PCDH7: variants seen among roughly 807,000 people sequenced by gnomAD.
The protein encoded by PCDH7 is protocadherin 7.
Under a neutral mutation model 58.9 loss-of-function variants are expected in PCDH7, and 17 were observed. The observed-to-expected ratio is 0.29, with a 90% CI of 0.20 to 0.43. The LOEUF (loss-of-function observed/expected upper bound fraction) is 0.43, where lower values mean the gene tolerates loss of function less well. Among genes scored for constraint, PCDH7 ranks in the 20% least tolerant of loss-of-function variants. PCDH7 has a pLI of 1.00. For missense variants in PCDH7, 1,274 were observed against 1,441.0 expected (o/e 0.88, Z 1.88); for synonymous variants, 664 against 616.4 (o/e 1.08, Z -1.14).
chr4:30,940,463 G>A (rs1745893661), intron 2 of PCDH7, among the ~76,000 whole-genome samples: 1 of 151,658 alleles, frequency 6.6e-6, no homozygotes, highest in African/African-American at 2.4e-5. Context: ...TTATATTTTT[G>A]CAAACCAAAA....
chr4:30,985,036 C>T (rs910486404), intron 3 of PCDH7, among the ~76,000 whole-genome samples: 4 of 152,092 alleles, frequency 2.6e-5, no homozygotes, highest in Non-Finnish European at 4.4e-5. Context: ...ACGTGACCTC[C>T]GCTCACTGCA....
At chr4:30,871,714 G>A (rs1030269206) in intron 1 of PCDH7, among the ~76,000 whole-genome samples, 4 of 152,098 alleles carry the variant, frequency 2.6e-5, no homozygotes, top group African/African-American at 7.2e-5. Context: ...GATACAAAAC[G>A]GGTGGCACAA....
intron 3 of PCDH7, among the ~76,000 whole-genome samples, chr4:30,975,151 G>C (rs1749961503): frequency 2.6e-5 from 2 of 76,436 alleles, no homozygotes; most frequent in South Asian, 7.1e-4. Context: ...CATTGTGTGT[G>C]TGTGTGTGTG....
chr4:30,790,926 A>C (rs932395039), intron 1 of PCDH7, among the ~76,000 whole-genome samples: 63 of 152,068 alleles, frequency 4.1e-4, no homozygotes, highest in Non-Finnish European at 1.6e-4. Flanking sequence ...TTGTCTCAAA[A>C]AAAACAAAAC....
intron 1 of PCDH7, among the ~76,000 whole-genome samples, chr4:30,891,881 G>A (rs1300602730): frequency 1.3e-5 from 2 of 151,406 alleles, no homozygotes; most frequent in Middle Eastern, 3.4e-3. Context: ...CACATGATAT[G>A]TCAGACTTTC....
chr4:30,857,654 T>A (rs1048641446), intron 1 of PCDH7, among the ~76,000 whole-genome samples: 1 of 152,120 alleles, frequency 6.6e-6, no homozygotes, highest in Non-Finnish European at 1.5e-5. Flanking sequence ...GGAGCATCAA[T>A]ACAACAAGGT....
At chr4:30,802,861 T>C (rs953008090) in intron 1 of PCDH7, among the ~76,000 whole-genome samples, 35 of 151,838 alleles carry the variant, frequency 2.3e-4, no homozygotes, top group African/African-American at 8.5e-4. Flanking sequence ...TGTAGCAGAG[T>C]CAATCAGCAT....
chr4:30,888,033 G>C (rs773143796), intron 1 of PCDH7, among the ~76,000 whole-genome samples: 1 of 151,902 alleles, frequency 6.6e-6, no homozygotes, highest in Non-Finnish European at 1.5e-5. Flanking sequence ...GAGCCACCAA[G>C]CCCGACTAAT....
At chr4:31,130,907 G>A (rs1718903471) in intron 3 of PCDH7, among the ~76,000 whole-genome samples, 1 of 152,076 alleles carries the variant, frequency 6.6e-6, no homozygotes, top group African/African-American at 2.4e-5. Context: ...TAGTTTATTA[G>A]CAACCATGGC....
intron 3 of PCDH7, among the ~76,000 whole-genome samples, chr4:31,134,690 G>A (rs1180111271): frequency 1.3e-5 from 2 of 152,104 alleles, no homozygotes; most frequent in African/African-American, 2.4e-5. Context: ...TCTGTGGATT[G>A]ACTACATGGT....
intron 3 of PCDH7, among the ~76,000 whole-genome samples, chr4:31,060,632 T>G (rs114424112): frequency 0.015 from 2,325 of 151,890 alleles, 19 homozygotes; most frequent in Middle Eastern, 0.034. Flanking sequence ...CAATCATTTC[T>G]TACCATCTCC....
At chr4:30,813,332 G>T (rs1416133674) in intron 1 of PCDH7, among the ~76,000 whole-genome samples, 2 of 152,102 alleles carry the variant, frequency 1.3e-5, no homozygotes, top group African/African-American at 4.8e-5. Flanking sequence ...GTTCCTTTTG[G>T]TATGTTACTC....
At chr4:30,833,571 C>A (rs1730081128) in intron 1 of PCDH7, among the ~76,000 whole-genome samples, 1 of 152,166 alleles carries the variant, frequency 6.6e-6, no homozygotes, top group Non-Finnish European at 1.5e-5. Flanking sequence ...CCCATCCCCA[C>A]CCCCTGCCAC....
intron 1 of PCDH7, among the ~76,000 whole-genome samples, chr4:30,775,860 G>A (rs1179534289): frequency 6.6e-6 from 1 of 152,088 alleles, no homozygotes; most frequent in Non-Finnish European, 1.5e-5. Context: ...TTGCACCACT[G>A]CACTGCAGCC....
chr4:31,120,438 TTTC>T lies in PCDH7; in HGVS notation c.*8-22032_*8-22030del, dbSNP rs1253711938. On this transcript the variant is annotated intron_variant, in intron 3 of 3. Coordinates refer to the PCDH7 transcript ENST00000509759. ...CTTTCGTTGTTTTTCTTTCTATTTT[TTTC>T]TTTTTTTTTTTTTTTTGGTCAATCT... 9.2e-4 allele frequency among the ~76,000 whole-genome samples: 110 copies of T among 119,868 alleles called. 1 individual carries two copies. The South Asian group carries it at 0.015, about 17-fold the overall frequency. The allele number at this position is 119,868 out of a possible 152,430, so 78.6% of individuals were successfully genotyped here. A position where few individuals can be genotyped will look rare whatever the true frequency, so the allele number is the denominator to read the frequency against.
intron 2 of PCDH7, among the ~76,000 whole-genome samples, chr4:30,945,744 C>G (rs1173584917): frequency 6.6e-6 from 1 of 152,098 alleles, no homozygotes; most frequent in Non-Finnish European, 1.5e-5. Context: ...ACTAGCATAT[C>G]TGCAGTTTCC....
rs1254390767 is a variant in PCDH7 at position 31,097,611 on chromosome 4, T to TATATAG, written c.*8-44857_*8-44856insGATATA. On this transcript the variant is annotated intron_variant, in intron 3 of 3. Coordinates refer to the PCDH7 transcript ENST00000509759. Reference sequence around the variant, plus strand: ...ACATATATATATATATATATATATATATATATATATATATATATATATATA... The same window carrying TATATAG: ...ACATATATATATATATATATATATATATATAGATATATATATATATATATATATATA... Among the ~76,000 whole-genome samples, 3 of 33,518 alleles carry TATATAG rather than the reference T, an allele frequency of 9.0e-5. No individual in the cohort carries two copies. The East Asian group carries it at 0.012, about 139-fold the overall frequency. 22.0% of individuals were successfully genotyped at this position (33,518 alleles called of 152,430 possible). A position where few individuals can be genotyped will look rare whatever the true frequency, so the allele number is the denominator to read the frequency against.
At chr4:31,038,532 A>G (rs1356799731) in intron 3 of PCDH7, among the ~76,000 whole-genome samples, 1 of 152,066 alleles carries the variant, frequency 6.6e-6, no homozygotes, top group African/African-American at 2.4e-5. Context: ...CTGCTGTCTT[A>G]TTTTTCATTA....
intron 3 of PCDH7, among the ~76,000 whole-genome samples, chr4:31,126,799 G>A (rs1187694776): frequency 1.3e-5 from 2 of 152,132 alleles, no homozygotes; most frequent in African/African-American, 4.8e-5. Flanking sequence ...CCATTTAAAG[G>A]AAAACTCTCT....
Sources: allele counts gnomAD v4.1 joint callset (sites outside exome capture counted in the v4.1 genomes callset), GRCh38; gene constraint gnomAD v4.1.1; transcripts MANE v1.5; gene names NCBI Gene and HGNC (gene_info 2026-07-23, HGNC 2026-07-21).